Variants in SFXN4 observed in about 807,000 individuals in gnomAD.
SFXN4 encodes the protein sideroflexin-4.
A neutral mutation model predicts 54.6 loss-of-function variants in SFXN4; 48 were observed. The observed-to-expected ratio is 0.88, with a 90% CI of 0.70 to 1.12. The LOEUF (loss-of-function observed/expected upper bound fraction) is 1.12. Among genes scored for constraint, SFXN4 ranks in the 50% most tolerant of loss-of-function variants. SFXN4 has a pLI of 0.00. For synonymous variants in SFXN4, 130 were observed against 145.5 expected (o/e 0.89, Z 0.77); for missense variants, 383 against 409.2 (o/e 0.94, Z 0.55).
At chr10:119,165,117 T>C in intron 1 of SFXN4, 1 of 708,040 alleles carries the variant, frequency 1.4e-6, no homozygotes, top group Middle Eastern at 7.0e-4. Flanking sequence ...CCCTAGACGC[T>C]GCAGGGAGAT....
chr10:119,151,796 C>T lies in SFXN4; in HGVS notation c.732+3266G>A, dbSNP rs545749704. Among the ~76,000 whole-genome samples, 638 of 151,874 alleles carry T rather than the reference C, an allele frequency of 4.2e-3. 3 individuals are homozygous for T. Among genetic ancestry groups the T allele is most frequent in the Non-Finnish European group, 6.7e-3 (455 of 67,940 alleles). On this transcript the variant is annotated intron_variant, in intron 11 of 13. Transcript: ENST00000355697. The stretch of plus-strand genomic sequence containing the variant: ...CCCCTCAGAGTGCTGGGATTACAGG[C>T]GTGAGCCACCGCGCCTGGCCTATGT...
chr10:119,159,706 C>G, intron 6 of SFXN4, 22 bp downstream of exon 6: 1 of 1,613,582 alleles, frequency 6.2e-7, no homozygotes, highest in Non-Finnish European at 8.5e-7. Context: ...AGTCTCCTAA[C>G]GGCAAATGTC....
At chr10:119,163,829 C>T (rs988274205) in intron 2 of SFXN4, among the ~76,000 whole-genome samples, 2 of 151,750 alleles carry the variant, frequency 1.3e-5, no homozygotes, top group Non-Finnish European at 2.9e-5. Context: ...GGCCTGAGGT[C>T]GGGAGTTCAA....
intron 6 of SFXN4, among the ~76,000 whole-genome samples, chr10:119,159,451 C>A (rs1205249336): frequency 6.6e-6 from 1 of 152,112 alleles, no homozygotes; most frequent in Non-Finnish European, 1.5e-5. Context: ...TTCTACCGTG[C>A]TCTGCGCATA....
intron 1 of SFXN4, chr10:119,165,262 A>G: frequency 2.6e-6 from 3 of 1,169,752 alleles, no homozygotes; most frequent in Non-Finnish European, 3.2e-6. Flanking sequence ...GGCAGTAGGG[A>G]GCAGCCACCT....
chr10:119,145,151 T>C (rs923818343), intron 13 of SFXN4, among the ~76,000 whole-genome samples: 7 of 152,076 alleles, frequency 4.6e-5, no homozygotes, highest in Non-Finnish European at 8.8e-5. Flanking sequence ...TCCACTTATA[T>C]ACTGTTTCCC....
At chr10:119,146,171 C>T in intron 13 of SFXN4, 65 bp downstream of exon 13, 2 of 907,460 alleles carry the variant, frequency 2.2e-6, no homozygotes, top group Non-Finnish European at 3.5e-6. Context: ...AGAAGAATAA[C>T]TTATTTTATT....
rs529180054 is a variant in SFXN4, at chr10:119,148,646, C to T, written c.733-786G>A. 1.3e-4 allele frequency among the ~76,000 whole-genome samples: 20 copies of T among 152,198 alleles called. No individual in the cohort carries two copies. The East Asian group carries it at 3.3e-3, about 25-fold the overall frequency. ...TGAGACCCACACAAGGCTGCCTGTC[C>T]GTACCCACGTTTCACAGCGAATTAA... On this transcript the variant is annotated intron_variant, in intron 11 of 13. Coordinates refer to ENST00000355697, the MANE Select transcript of SFXN4 (RefSeq NM_213649.2).
chr10:119,163,869 C>G (rs949520703), intron 2 of SFXN4, among the ~76,000 whole-genome samples: 1 of 151,680 alleles, frequency 6.6e-6, no homozygotes, highest in Non-Finnish European at 1.5e-5. Context: ...GAGAAACCCC[C>G]GTCTCTACTA....
At chr10:119,144,821 C>T (rs549803993) in intron 13 of SFXN4, among the ~76,000 whole-genome samples, 1 of 152,304 alleles carries the variant, frequency 6.6e-6, no homozygotes, top group African/African-American at 2.4e-5. Flanking sequence ...GTTCCCTAGT[C>T]ACACCAGCCT....
At position 119,146,347 on chromosome 10, in the gene SFXN4, C is replaced by A. The variant is rs1380359082; in HGVS notation, c.825G>T (p.Gln275His). 6.2e-7 allele frequency: 1 copy of A among 1,602,388 alleles called. No homozygotes were observed. Among genetic ancestry groups the A allele is most frequent in the Non-Finnish European group, 8.5e-7 (1 of 1,169,970 alleles). ...ATGACCCTGGGTTTTTCCTGAAATA[C>A]TGGGTCCTGTAAGAGACAAGGCATG... Reference protein sequence around the residue: ...EVFTYFFKRTQYFRKNPGSLW... With the variant: ...EVFTYFFKRTHYFRKNPGSLW... The change falls in exon 13 of 14, where the codon CAG (glutamine) becomes CAT (histidine). Residue 275 changes from glutamine to histidine, a missense_variant. Coordinates refer to ENST00000355697, the MANE Select transcript of SFXN4 (RefSeq NM_213649.2).
chr10:119,143,943 G>A lies in SFXN4; in HGVS notation c.936+2293C>T, dbSNP rs989172560. Among the ~76,000 whole-genome samples, 8 of 152,036 alleles carry A rather than the reference G, an allele frequency of 5.3e-5. No homozygotes were observed. The South Asian group carries it at 1.2e-3, about 24-fold the overall frequency. ...AAATTTTATTCTGAGATGCTGCCTCGCTCCCCAACCCCTCGCCCATAGCAT... is the reference window on the plus strand; with the variant it reads ...AAATTTTATTCTGAGATGCTGCCTCACTCCCCAACCCCTCGCCCATAGCAT... On this transcript the variant is annotated intron_variant, in intron 13 of 13. Transcript: ENST00000355697.
Position 119,157,707 on chromosome 10 carries a change from T to C in SFXN4, c.498A>G (p.Leu166=), listed in dbSNP as rs368279951. The change falls in exon 9 of 14, where the codon TTA becomes TTG. Residue 166 remains leucine, a synonymous_variant. Coordinates refer to ENST00000355697, the MANE Select transcript of SFXN4 (RefSeq NM_213649.2). ...SYTCKPLERS[L]LMAGAVASST... is the part of the protein sequence containing the mutation. ...AAGAAGCAACGGCTCCCGCCATTAG[T>C]AATGATCTTTCTAGTGGCTTACAAG... The C allele has an allele frequency of 2.3e-5, 37 of 1,609,582 alleles. No homozygotes were observed. The highest frequency in any genetic ancestry group is 2.2e-5 in the Non-Finnish European group (26 of 1,178,360).
intron 11 of SFXN4, among the ~76,000 whole-genome samples, chr10:119,154,252 T>C (rs1334494339): frequency 2.0e-5 from 3 of 152,014 alleles, no homozygotes; most frequent in African/African-American, 7.2e-5. Flanking sequence ...AGAGGCCTTA[T>C]AGGCAAAAAC....
intron 3 of SFXN4, among the ~76,000 whole-genome samples, chr10:119,161,310 G>C (rs1319753201): frequency 1.3e-5 from 2 of 151,730 alleles, no homozygotes; most frequent in Non-Finnish European, 2.9e-5. Flanking sequence ...GTAGAGATGG[G>C]GTCTTGCTAT....
chr10:119,156,779 CATT>C (rs776500104), intron 9 of SFXN4, 23 bp from the exon 10 acceptor site: 30 of 1,567,936 alleles, frequency 1.9e-5, no homozygotes, highest in Non-Finnish European at 7.9e-6. Context: ...AGAGAAAAAT[CATT>C]ATTTCATGGG....
chr10:119,157,935 G>T lies in SFXN4; in HGVS notation c.415-8C>A. On this transcript the variant is annotated splice_polypyrimidine_tract_variant and splice_region_variant and intron_variant, in intron 7 of 13. Transcript: ENST00000355697. ...GTAGGCACAGAGGAAAACCTGCCGA[G>T]AGGGGCAAATGGATCGCATTTTCGT... 6.2e-7 allele frequency: 1 copy of T among 1,614,238 alleles called. No homozygotes were observed. Among genetic ancestry groups the T allele is most frequent in the Non-Finnish European group, 8.5e-7 (1 of 1,180,024 alleles).
At chr10:119,156,579 A>C (rs1589640568) in intron 10 of SFXN4, 99 bp downstream of exon 10, 1 of 938,746 alleles carries the variant, frequency 1.1e-6, no homozygotes, top group East Asian at 2.6e-5. Context: ...CATCAGTCAC[A>C]ATGTGCCAAG....
At chr10:119,146,208 G>T in intron 13 of SFXN4, 28 bp downstream of exon 13, 1 of 1,226,716 alleles carries the variant, frequency 8.2e-7, no homozygotes, top group Non-Finnish European at 1.2e-6. Context: ...AAAAAACTTT[G>T]AGAGAAAAGA....
Sources: gnomAD v4.1 joint callset for allele counts (sites outside exome capture counted in the v4.1 genomes callset) on GRCh38, gnomAD v4.1.1 for gene constraint, MANE v1.5 for transcripts, NCBI Gene and HGNC (gene_info 2026-07-23, HGNC 2026-07-21) for gene names.